PRMT7: variants seen among roughly 807,000 people sequenced by gnomAD.
PRMT7 encodes the protein protein arginine N-methyltransferase 7.
A neutral mutation model predicts 85.4 loss-of-function variants in PRMT7; 75 were observed. The ratio of observed to expected loss-of-function variants is 0.88; its 90% confidence interval spans 0.73 to 1.06. PRMT7 has a LOEUF of 1.06. Ranked by LOEUF, PRMT7 falls within the 50% of genes least tolerant of loss-of-function variation. The pLI is 0.00. For missense variants in PRMT7, 868 were observed against 915.2 expected, an observed-to-expected ratio of 0.95 and a Z score of 0.67; for synonymous variants, 397 against 359.5, an observed-to-expected ratio of 1.10 and a Z score of -1.18.
chr16:68,337,395 T>G (rs2084863653), intron 6 of PRMT7, 64 bp from the exon 7 acceptor site: 1 of 1,133,504 alleles, frequency 8.8e-7, no homozygotes, highest in Non-Finnish European at 1.3e-6. Flanking sequence ...CTTTCCCATA[T>G]TTGCTGTAAA....
chr16:68,337,627 C>T (rs745768884), intron 7 of PRMT7, 56 bp downstream of exon 7: 49 of 1,229,448 alleles, frequency 4.0e-5, no homozygotes, highest in Non-Finnish European at 5.5e-5. Flanking sequence ...GCTCACATAG[C>T]ACTCACTCAT....
At chr16:68,345,592 C>A in intron 9 of PRMT7, 83 bp from the exon 10 acceptor site, 1 of 1,579,606 alleles carries the variant, frequency 6.3e-7, no homozygotes, top group Non-Finnish European at 8.6e-7. Flanking sequence ...TGAAAACTGG[C>A]AGTTCTCTGG....
At position 68,330,348 on chromosome 16, in the gene PRMT7, A is replaced by G. The variant is rs1444354539; in HGVS notation, c.391+1174A>G. On this transcript the variant is annotated intron_variant, in intron 6 of 18. Coordinates refer to ENST00000441236, the MANE Select transcript of PRMT7 (RefSeq NM_019023.5). ...GGGTTTTTTCTAATTTTTTGTGGAG[A>G]TAGGGTCTTACTATGTTGCCCAGGC... 3.3e-5 allele frequency among the ~76,000 whole-genome samples: 5 copies of G among 152,086 alleles called. 1 individual carries two copies. In the South Asian group the frequency reaches 8.3e-4, roughly 25 times the overall value.
chr16:68,349,008 A>C (rs1218701692), intron 14 of PRMT7, among the ~76,000 whole-genome samples: 1 of 152,044 alleles, frequency 6.6e-6, no homozygotes, highest in Non-Finnish European at 1.5e-5. Flanking sequence ...TGGGGTTCCT[A>C]GGAGCAGAGC....
intron 6 of PRMT7, among the ~76,000 whole-genome samples, chr16:68,329,776 G>C (rs1203072330): frequency 6.6e-6 from 1 of 152,084 alleles, no homozygotes; most frequent in Non-Finnish European, 1.5e-5. Context: ...GGCTGAGGCA[G>C]GAGAATGGCG....
intron 4 of PRMT7, chr16:68,322,444 C>T (rs374586520): frequency 2.2e-4 from 98 of 447,700 alleles, no homozygotes; most frequent in Non-Finnish European, 3.9e-4. Context: ...GTGATCCACC[C>T]GCCTTGGTCT....
chr16:68,356,729 T>C lies in PRMT7; in HGVS notation c.1840T>C (p.Trp614Arg). The C allele has an allele frequency of 2.5e-6, 4 of 1,611,932 alleles. No individual in the cohort carries two copies. Among genetic ancestry groups the C allele is most frequent in the Non-Finnish European group, 3.4e-6 (4 of 1,179,860 alleles). Reference sequence around the variant, plus strand: ...CGGGCAGAGCCACGCAGCGGTGCTATGGATGGAGTACCACCTGACCCCGGA... The same window carrying C: ...CGGGCAGAGCCACGCAGCGGTGCTACGGATGGAGTACCACCTGACCCCGGA... Reference protein sequence around the residue: ...RPGQSHAAVLWMEYHLTPECT... With the variant: ...RPGQSHAAVLRMEYHLTPECT... Residue 614 changes from tryptophan (W) to arginine (R), a missense_variant, in exon 18 of 19, where the codon TGG (tryptophan) becomes CGG (arginine). Transcript: ENST00000441236.
intron 1 of PRMT7, chr16:68,311,512 C>T (rs537155698): frequency 6.2e-6 from 1 of 160,956 alleles, no homozygotes; most frequent in Non-Finnish European, 1.4e-5. Context: ...AAGCGTAAGC[C>T]TAGTGTAGAT....
chr16:68,355,848 GC>G lies in PRMT7; in HGVS notation c.1780del (p.Leu594CysfsTer26). The G allele has an allele frequency of 6.2e-7, 1 of 1,607,652 alleles. No individual in the cohort carries two copies. Among genetic ancestry groups the G allele is most frequent in the Non-Finnish European group, 8.5e-7 (1 of 1,179,008 alleles). On this transcript the variant is annotated frameshift_variant, in exon 17 of 19. Coordinates refer to ENST00000441236, the MANE Select transcript of PRMT7 (RefSeq NM_019023.5). LOFTEE classifies it high-confidence loss of function. Reference sequence around the variant, plus strand: ...ACTTCCAGCAGCCGGTGCCCCTGCAGCCCCTGTGTGCCGAGGGCACCGTGGA... The same window carrying G: ...ACTTCCAGCAGCCGGTGCCCCTGCAGCCCTGTGTGCCGAGGGCACCGTGGA... ...FDFQQPVPLQ[P>X]LCAEGTVELR...
At chr16:68,337,353 G>A (rs2084856118) in intron 6 of PRMT7, 106 bp from the exon 7 acceptor site, 1 of 701,638 alleles carries the variant, frequency 1.4e-6, no homozygotes, top group African/African-American at 1.8e-5. Context: ...ATGTATATGT[G>A]CTTTTAGCGT....
Position 68,353,550 on chromosome 16 carries a change from T to C in PRMT7, c.1634T>C (p.Met545Thr), listed in dbSNP as rs367995240. 5 of 1,589,702 alleles carry C rather than the reference T, an allele frequency of 3.1e-6. No individual in the cohort carries two copies. The highest frequency in any genetic ancestry group is 1.4e-5 in the African/African-American group (1 of 73,562). ...GDCEGFDVHI[M>T]DDMIKRALDF... is the part of the protein sequence containing the mutation. ...TGCGAAGGCTTCGACGTGCACATCA[T>C]GGACGACATGATTAAGGTAGGCAGG... The change falls in exon 16 of 19, where the codon ATG (methionine) becomes ACG (threonine). Residue 545 changes from methionine (M) to threonine (T), a missense_variant. Coordinates refer to ENST00000441236, the MANE Select transcript of PRMT7 (RefSeq NM_019023.5).
Position 68,324,715 on chromosome 16 carries a change from C to T in PRMT7, c.165C>T (p.Ala55=), listed in dbSNP as rs778915576. The T allele has an allele frequency of 3.9e-5, 63 of 1,614,112 alleles. No individual in the cohort carries two copies. In the Middle Eastern group the frequency reaches 4.9e-4, roughly 13 times the overall value. ...AATACTACCAAGGTATCCGGGCTGC[C>T]GTGAGCAGGGTGAAGGACAGAGGAC... is the stretch of plus-strand genomic sequence containing the variant. ...NVKYYQGIRA[A]VSRVKDRGQK... The change falls in exon 5 of 19, where the codon GCC becomes GCT. Residue 55 remains alanine (A), a synonymous_variant. Transcript: ENST00000441236.
chr16:68,321,637 T>G, intron 4 of PRMT7, 175 bp downstream of exon 4: 1 of 561,498 alleles, frequency 1.8e-6, no homozygotes, highest in Non-Finnish European at 3.2e-6. Context: ...TTTTTGTTGT[T>G]TAATCTCCCA....
intron 18 of PRMT7, 25 bp downstream of exon 18, chr16:68,356,822 T>C (rs746374731): frequency 1.0e-5 from 16 of 1,588,072 alleles, no homozygotes; most frequent in Non-Finnish European, 5.1e-6. Flanking sequence ...CCGGGCCCAG[T>C]GTGCGTGCAG....
At chr16:68,342,614 C>T (rs1423056870) in intron 9 of PRMT7, among the ~76,000 whole-genome samples, 2 of 152,196 alleles carry the variant, frequency 1.3e-5, no homozygotes, top group Non-Finnish European at 2.9e-5. Context: ...AGCAGCTTCA[C>T]CTACCCCATT....
downstream of PRMT7, chr16:68,360,562 T>A (rs566650592): frequency 3.1e-4 from 47 of 153,050 alleles, no homozygotes; most frequent in Non-Finnish European, 5.7e-4. Flanking sequence ...CCTTTTTCTG[T>A]TTTTCTTTTT....
chr16:68,317,092 G>T (rs2081948425), intron 3 of PRMT7, among the ~76,000 whole-genome samples: 1 of 151,722 alleles, frequency 6.6e-6, no homozygotes, highest in African/African-American at 2.4e-5. Flanking sequence ...AAAAAAATTA[G>T]CTGGGAGTGG....
intron 4 of PRMT7, among the ~76,000 whole-genome samples, chr16:68,322,176 T>C (rs1349650728): frequency 6.6e-6 from 1 of 152,188 alleles, no homozygotes; most frequent in African/African-American, 2.4e-5. Context: ...CCATGACACC[T>C]GGCCTTCACT....
At chr16:68,317,858 A>G (rs12325457) in intron 3 of PRMT7, among the ~76,000 whole-genome samples, 78,454 of 150,610 alleles carry the variant, frequency 0.52, 20,921 homozygotes, top group East Asian at 0.78. Flanking sequence ...AAAAAACCAC[A>G]CACACACAGA....
Sources: allele counts gnomAD v4.1 joint callset (sites outside exome capture counted in the v4.1 genomes callset), GRCh38; gene constraint gnomAD v4.1.1; transcripts MANE v1.5; gene names NCBI Gene and HGNC (gene_info 2026-07-23, HGNC 2026-07-21).